The following ZNF385B variants were observed in gnomAD, a reference collection of about 807,000 sequenced individuals.
The protein encoded by ZNF385B is zinc finger protein 533.
A neutral mutation model predicts 39.2 loss-of-function variants in ZNF385B; 23 were observed. The observed-to-expected ratio is 0.59, with a 90% CI of 0.42 to 0.83. The LOEUF is 0.83. Ranked by LOEUF, ZNF385B falls within the 40% of genes least tolerant of loss-of-function variation. ZNF385B has a pLI of 0.00. For synonymous variants in ZNF385B, 205 were observed against 222.6 expected (o/e 0.92, Z 0.70); for missense variants, 552 against 598.9 (o/e 0.92, Z 0.82).
chr2:179,498,889 C>T (rs2056500680), intron 5 of ZNF385B, among the ~76,000 whole-genome samples: 1 of 151,704 alleles, frequency 6.6e-6, no homozygotes, highest in African/African-American at 2.4e-5. Flanking sequence ...AAAAATTTGA[C>T]TTTGAAAAAT....
At chr2:179,760,816 C>A (rs1703337861) in intron 3 of ZNF385B, among the ~76,000 whole-genome samples, 1 of 152,170 alleles carries the variant, frequency 6.6e-6, no homozygotes, top group Non-Finnish European at 1.5e-5. Context: ...TGGAGTGATG[C>A]AGCCACAGGC....
At chr2:179,794,206 C>T (rs1341420892) in intron 1 of ZNF385B, among the ~76,000 whole-genome samples, 37 of 152,194 alleles carry the variant, frequency 2.4e-4, no homozygotes, top group Admixed American at 2.4e-3. Flanking sequence ...TGGGAAATCA[C>T]TCTGGTTAAC....
At chr2:179,694,654 G>A (rs1698584362) in intron 3 of ZNF385B, among the ~76,000 whole-genome samples, 2 of 152,166 alleles carry the variant, frequency 1.3e-5, no homozygotes, top group Admixed American at 6.5e-5. Context: ...TCTGGGCTGG[G>A]CAATGTGGCT....
intron 1 of ZNF385B, among the ~76,000 whole-genome samples, chr2:179,850,764 C>T (rs532656089): frequency 1.3e-5 from 2 of 152,146 alleles, no homozygotes; most frequent in Non-Finnish European, 2.9e-5. Context: ...CACACTTTCT[C>T]GTGCTTATAA....
chr2:179,809,220 T>C (rs1706581999), intron 1 of ZNF385B, among the ~76,000 whole-genome samples: 1 of 152,152 alleles, frequency 6.6e-6, no homozygotes, highest in Non-Finnish European at 1.5e-5. Context: ...AGTAATCTAA[T>C]CTGAGATTCA....
intron 3 of ZNF385B, among the ~76,000 whole-genome samples, chr2:179,748,773 C>T (rs1001542280): frequency 3.3e-5 from 5 of 152,074 alleles, no homozygotes; most frequent in Non-Finnish European, 5.9e-5. Context: ...ACTTTTCTTT[C>T]AGTACATTAA....
At chr2:179,753,347 A>G (rs1702800490) in intron 3 of ZNF385B, among the ~76,000 whole-genome samples, 1 of 152,058 alleles carries the variant, frequency 6.6e-6, no homozygotes, top group African/African-American at 2.4e-5. Context: ...GTGGCCTTGT[A>G]GTATAGTTTG....
intron 3 of ZNF385B, among the ~76,000 whole-genome samples, chr2:179,569,853 T>G (rs1288840288): frequency 6.6e-6 from 1 of 152,194 alleles, no homozygotes; most frequent in South Asian, 2.1e-4. Context: ...TATTTCCTCA[T>G]TTAGTCCCTC....
intron 3 of ZNF385B, among the ~76,000 whole-genome samples, chr2:179,688,981 A>C (rs1698140892): frequency 6.6e-6 from 1 of 152,212 alleles, no homozygotes; most frequent in Non-Finnish European, 1.5e-5. Flanking sequence ...TTGTATGGGA[A>C]GAGAACTCTT....
chr2:179,746,151 A>C, intron 3 of ZNF385B: 1 of 483,702 alleles, frequency 2.1e-6, no homozygotes, highest in Non-Finnish European at 2.7e-6. Context: ...AAACCACAAG[A>C]AGGATGTGAT....
intron 1 of ZNF385B, among the ~76,000 whole-genome samples, chr2:179,822,792 C>T (rs59429726): frequency 0.058 from 8,833 of 152,164 alleles, 302 homozygotes; most frequent in Non-Finnish European, 0.068. Context: ...ATTCTTTGCA[C>T]ACAAAAATAA....
At chr2:179,728,096 T>C (rs1575360504) in intron 3 of ZNF385B, among the ~76,000 whole-genome samples, 1 of 152,112 alleles carries the variant, frequency 6.6e-6, no homozygotes, top group Non-Finnish European at 1.5e-5. Context: ...TTTGACTCTT[T>C]CAGACAAAAA....
At chr2:179,732,241 A>G (rs1701442889) in intron 3 of ZNF385B, among the ~76,000 whole-genome samples, 1 of 152,200 alleles carries the variant, frequency 6.6e-6, no homozygotes, top group African/African-American at 2.4e-5. Flanking sequence ...TGGCTCAGCC[A>G]ATTTAGAGCA....
chr2:179,602,843 C>T (rs879453500), intron 3 of ZNF385B, among the ~76,000 whole-genome samples: 7 of 152,170 alleles, frequency 4.6e-5, no homozygotes, highest in Non-Finnish European at 2.9e-5. Flanking sequence ...TTGAAAGGTA[C>T]ATGCATTGCC....
intron 5 of ZNF385B, among the ~76,000 whole-genome samples, chr2:179,487,136 A>G (rs558898362): frequency 2.0e-3 from 300 of 152,356 alleles, no homozygotes; most frequent in African/African-American, 7.0e-3. Context: ...ATTTCTTGGC[A>G]TCAGTGCCGA....
At chr2:179,708,840 C>T (rs1476837520) in intron 3 of ZNF385B, among the ~76,000 whole-genome samples, 2 of 152,164 alleles carry the variant, frequency 1.3e-5, no homozygotes, top group Admixed American at 6.5e-5. Flanking sequence ...AGAATTTAGG[C>T]ATTATAGGGC....
At chr2:179,493,423 G>A (rs2055477821) in intron 5 of ZNF385B, among the ~76,000 whole-genome samples, 1 of 151,174 alleles carries the variant, frequency 6.6e-6, no homozygotes, top group Admixed American at 6.6e-5. Flanking sequence ...AAATGCATGT[G>A]TACATATATG....
intron 1 of ZNF385B, among the ~76,000 whole-genome samples, chr2:179,858,833 G>A (rs149664262): frequency 7.9e-5 from 12 of 152,188 alleles, no homozygotes; most frequent in African/African-American, 2.7e-4. Context: ...ACTCACTCCT[G>A]TAAGAAGTTA....
chr2:179,545,013 T>A, intron 3 of ZNF385B, 44 bp from the exon 4 acceptor site: 1 of 1,612,158 alleles, frequency 6.2e-7, no homozygotes, highest in Non-Finnish European at 8.5e-7. Flanking sequence ...CTTGCTCACA[T>A]CCATCTCCCT....
Sources: gnomAD v4.1 joint callset for allele counts (sites outside exome capture counted in the v4.1 genomes callset) on GRCh38, gnomAD v4.1.1 for gene constraint, MANE v1.5 for transcripts, NCBI Gene and HGNC (gene_info 2026-07-23, HGNC 2026-07-21) for gene names.